PDSS2: variants seen among roughly 807,000 people sequenced by gnomAD.
PDSS2 encodes the protein all trans-polyprenyl-diphosphate synthase PDSS2.
In PDSS2, 31 loss-of-function variants were observed where a neutral mutation model predicts 44.5. The observed-to-expected ratio is 0.70, with a 90% CI of 0.52 to 0.94. The LOEUF is 0.94. Among genes scored for constraint, PDSS2 ranks in the 40% least tolerant of loss-of-function variants. The probability of loss-of-function intolerance (pLI) is 0.00; values close to 1 mark genes in which losing one functional copy is unlikely to be tolerated. For synonymous variants in PDSS2, 157 were observed against 180.3 expected (o/e 0.87, Z 1.03); for missense variants, 452 against 482.2 (o/e 0.94, Z 0.59).
intron 7 of PDSS2, among the ~76,000 whole-genome samples, chr6:107,187,157 T>A (rs188047798): frequency 6.6e-6 from 1 of 152,178 alleles, no homozygotes; most frequent in Non-Finnish European, 1.5e-5. Context: ...GAGAAAGATA[T>A]AATCTTTCTT....
intron 2 of PDSS2, among the ~76,000 whole-genome samples, chr6:107,308,404 G>A (rs888776029): frequency 5.3e-5 from 8 of 151,972 alleles, no homozygotes; most frequent in Non-Finnish European, 5.9e-5. Context: ...TTCTTTTATC[G>A]ACGACTATGT....
At chr6:107,168,033 A>G (rs530043836) in intron 7 of PDSS2, among the ~76,000 whole-genome samples, 4 of 152,050 alleles carry the variant, frequency 2.6e-5, no homozygotes, top group South Asian at 2.1e-4. Flanking sequence ...GGATATCCTT[A>G]TTGACTTTCT....
chr6:107,393,873 T>G (rs1435760097), intron 1 of PDSS2, among the ~76,000 whole-genome samples: 4 of 152,234 alleles, frequency 2.6e-5, no homozygotes, highest in Admixed American at 6.5e-5. Flanking sequence ...TGAAGTCTGC[T>G]TTGAGATTAA....
intron 1 of PDSS2, among the ~76,000 whole-genome samples, chr6:107,413,685 G>T (rs116418051): frequency 4.6e-5 from 7 of 152,182 alleles, no homozygotes; most frequent in African/African-American, 1.7e-4. Context: ...GGCTGATCTT[G>T]AACGCCTGAC....
At chr6:107,263,898 A>AT (rs1775327790) in intron 3 of PDSS2, among the ~76,000 whole-genome samples, 1 of 152,198 alleles carries the variant, frequency 6.6e-6, no homozygotes. Context: ...GTTATACTAT[A>AT]TGACACCCCA....
intron 6 of PDSS2, among the ~76,000 whole-genome samples, chr6:107,199,551 T>C (rs1167384695): frequency 6.6e-6 from 1 of 152,210 alleles, no homozygotes; most frequent in African/African-American, 2.4e-5. Flanking sequence ...CCTCCTGCCT[T>C]GGCCTCCCAA....
chr6:107,448,113 A>G (rs1781747592), intron 1 of PDSS2, among the ~76,000 whole-genome samples: 1 of 152,058 alleles, frequency 6.6e-6, no homozygotes, highest in Non-Finnish European at 1.5e-5. Flanking sequence ...GGCCCAGGAA[A>G]CCATTTTTCT....
chr6:107,376,907 A>C (rs536144217), intron 1 of PDSS2, among the ~76,000 whole-genome samples: 39 of 152,248 alleles, frequency 2.6e-4, no homozygotes, highest in African/African-American at 9.1e-4. Context: ...TTAAAGACTT[A>C]AATGTTAGAC....
chr6:107,219,635 C>T (rs1397329947), intron 4 of PDSS2, among the ~76,000 whole-genome samples: 5 of 152,124 alleles, frequency 3.3e-5, no homozygotes, highest in Non-Finnish European at 4.4e-5. Context: ...CTTTGAGGAG[C>T]GCTCTCAAAT....
chr6:107,332,950 G>T (rs1233856145), intron 2 of PDSS2, among the ~76,000 whole-genome samples: 1 of 152,146 alleles, frequency 6.6e-6, no homozygotes, highest in Non-Finnish European at 1.5e-5. Flanking sequence ...GGAGGAATGG[G>T]CATTTGTAGT....
At chr6:107,380,204 T>C (rs1779414646) in intron 1 of PDSS2, among the ~76,000 whole-genome samples, 2 of 152,306 alleles carry the variant, frequency 1.3e-5, no homozygotes, top group South Asian at 4.1e-4. Flanking sequence ...AAATAGGGTC[T>C]GTGTCTTACA....
At chr6:107,201,953 TGA>T (rs1162334055) in intron 6 of PDSS2, among the ~76,000 whole-genome samples, 19 of 152,160 alleles carry the variant, frequency 1.2e-4, no homozygotes, top group Non-Finnish European at 1.5e-5. Context: ...ATTTATTATT[TGA>T]GAGTAAGTTT....
chr6:107,457,588 T>C (rs888657926), intron 1 of PDSS2, among the ~76,000 whole-genome samples: 1 of 152,116 alleles, frequency 6.6e-6, no homozygotes, highest in Admixed American at 6.5e-5. Flanking sequence ...CAACCAAAAA[T>C]GTCTCCATAC....
intron 1 of PDSS2, among the ~76,000 whole-genome samples, chr6:107,354,751 T>C (rs544139872): frequency 6.6e-6 from 1 of 152,338 alleles, no homozygotes; most frequent in Non-Finnish European, 1.5e-5. Flanking sequence ...CCAAGCTAGC[T>C]TGAGGATCCT....
chr6:107,402,897 T>G (rs1780192933), intron 1 of PDSS2, among the ~76,000 whole-genome samples: 1 of 152,086 alleles, frequency 6.6e-6, no homozygotes, highest in Non-Finnish European at 1.5e-5. Context: ...AAGATGAGAT[T>G]TGGGTAGAGA....
At chr6:107,246,218 CT>C (rs67688211) in intron 3 of PDSS2, among the ~76,000 whole-genome samples, 34 of 147,038 alleles carry the variant, frequency 2.3e-4, no homozygotes, top group African/African-American at 3.7e-4. Flanking sequence ...AAGGCTGAGA[CT>C]TTTTTTTTTT....
intron 1 of PDSS2, among the ~76,000 whole-genome samples, chr6:107,417,405 AC>A (rs1780695321): frequency 6.6e-6 from 1 of 152,224 alleles, no homozygotes; most frequent in Non-Finnish European, 1.5e-5. Flanking sequence ...GTGAATTTAA[AC>A]ACTAAAAAAT....
chr6:107,224,983 C>A (rs1773737244), intron 4 of PDSS2, among the ~76,000 whole-genome samples: 1 of 149,090 alleles, frequency 6.7e-6, no homozygotes. Flanking sequence ...AGAATCTGCT[C>A]CAAGCTCAAT....
chr6:107,183,628 A>C (rs1472763274), intron 7 of PDSS2, among the ~76,000 whole-genome samples: 1 of 152,056 alleles, frequency 6.6e-6, no homozygotes, highest in Non-Finnish European at 1.5e-5. Context: ...AGCTGGGTGC[A>C]GTGGCTCACG....
Sources: gnomAD v4.1 joint callset for allele counts (sites outside exome capture counted in the v4.1 genomes callset) on GRCh38, gnomAD v4.1.1 for gene constraint, MANE v1.5 for transcripts, NCBI Gene and HGNC (gene_info 2026-07-23, HGNC 2026-07-21) for gene names.